The following EPHA3 variants were observed in gnomAD, a reference collection of about 807,000 sequenced individuals.
EPHA3 encodes the protein EPH receptor A3.
Under a neutral mutation model 107.1 loss-of-function variants are expected in EPHA3, and 42 were observed. The observed-to-expected ratio is 0.39, with a 90% confidence interval of 0.31 to 0.51. The LOEUF (loss-of-function observed/expected upper bound fraction) is 0.51. Among genes scored for constraint, EPHA3 ranks in the 20% least tolerant of loss-of-function variants. EPHA3 has a pLI of 0.78. For missense variants in EPHA3, 1,183 were observed against 1,211.2 expected, an observed-to-expected ratio of 0.98 and a Z score of 0.35; for synonymous variants, 461 against 424.8, an observed-to-expected ratio of 1.09 and a Z score of -1.05.
At chr3:89,434,332 C>T (rs1168220679) in intron 13 of EPHA3, among the ~76,000 whole-genome samples, 1 of 152,128 alleles carries the variant, frequency 6.6e-6, no homozygotes, top group African/African-American at 2.4e-5. Context: ...ACTCTCATGC[C>T]TCAGCCTCAC....
At chr3:89,403,535 G>A (rs1437131515) in intron 7 of EPHA3, among the ~76,000 whole-genome samples, 7 of 152,058 alleles carry the variant, frequency 4.6e-5, no homozygotes, top group Non-Finnish European at 1.0e-4. Context: ...AAAGCATGGA[G>A]TATAAAAGAG....
intron 2 of EPHA3, 40 bp from the exon 3 acceptor site, chr3:89,209,820 T>A (rs1259948603): frequency 2.6e-6 from 4 of 1,517,346 alleles, no homozygotes; most frequent in South Asian, 2.6e-5. Context: ...GTTATTATCA[T>A]TAATTCTGCC....
intron 5 of EPHA3, among the ~76,000 whole-genome samples, chr3:89,378,161 AGAT>A (rs1311387562): frequency 6.6e-6 from 1 of 152,136 alleles, no homozygotes; most frequent in Non-Finnish European, 1.5e-5. Context: ...TACCTAATAT[AGAT>A]GATGGGTTGA....
At chr3:89,357,106 C>CAAAAAAAAAAAAAAAAAAAAAAAAAA (rs56717904) in intron 5 of EPHA3, among the ~76,000 whole-genome samples, 1 of 15,978 alleles carries the variant, frequency 6.3e-5, no homozygotes, top group African/African-American at 2.1e-4. Context: ...GACCCTGTCT[C>CAAAAAAAAAAAAAAAAAAAAAAAAAA]AAAAAAAAAA....
intron 16 of EPHA3, 57 bp downstream of exon 16, chr3:89,472,676 T>C: frequency 6.8e-7 from 1 of 1,472,074 alleles, no homozygotes; most frequent in East Asian, 2.3e-5. Flanking sequence ...TTTCTTGGCT[T>C]GACATGAAAG....
At position 89,407,998 on chromosome 3, in the gene EPHA3, A is replaced by G. The variant is rs979934354; in HGVS notation, c.1698-69A>G. On this transcript the variant is annotated intron_variant, in intron 8 of 16. Coordinates refer to ENST00000336596, the MANE Select transcript of EPHA3 (RefSeq NM_005233.6). ...AATGTTTTATTTTTATGCTTTGCAC[A>G]TTCTGAGCATAGGTAACTATTTTAA... The G allele has an allele frequency of 4.9e-5, 69 of 1,410,548 alleles. No individual in the cohort carries two copies. In the Admixed American group the frequency reaches 7.7e-4, roughly 16 times the overall value. 87.4% of individuals were successfully genotyped at this position (1,410,548 alleles called of 1,614,324 possible).
At chr3:89,262,870 C>T (rs1296087543) in intron 3 of EPHA3, among the ~76,000 whole-genome samples, 1 of 150,712 alleles carries the variant, frequency 6.6e-6, no homozygotes, top group African/African-American at 2.4e-5. Flanking sequence ...CCCTTTTGGG[C>T]GCCTGCAGGA....
At chr3:89,427,731 A>G (rs1295120677) in intron 11 of EPHA3, among the ~76,000 whole-genome samples, 11 of 151,912 alleles carry the variant, frequency 7.2e-5, no homozygotes, top group Non-Finnish European at 1.6e-4. Context: ...TAAACCCACA[A>G]TGTTTTCTGG....
At chr3:89,395,684 C>T (rs1708834447) in intron 5 of EPHA3, among the ~76,000 whole-genome samples, 153 bp from the exon 6 acceptor site, 1 of 152,030 alleles carries the variant, frequency 6.6e-6, no homozygotes, top group Non-Finnish European at 1.5e-5. Context: ...TATTCAAGAG[C>T]CTTGGAAATG....
intron 3 of EPHA3, among the ~76,000 whole-genome samples, chr3:89,316,692 T>C (rs1343708052): frequency 6.6e-6 from 1 of 151,252 alleles, no homozygotes; most frequent in Non-Finnish European, 1.5e-5. Flanking sequence ...TGCTCTCTTA[T>C]GGAAAATGAA....
chr3:89,378,420 A>T (rs1360616917), intron 5 of EPHA3, among the ~76,000 whole-genome samples: 1 of 152,060 alleles, frequency 6.6e-6, no homozygotes, highest in Non-Finnish European at 1.5e-5. Flanking sequence ...AATGATGATA[A>T]ACTCATCATT....
chr3:89,239,152 T>A (rs1187821493), intron 3 of EPHA3, among the ~76,000 whole-genome samples: 4 of 152,194 alleles, frequency 2.6e-5, no homozygotes, highest in Non-Finnish European at 4.4e-5. Context: ...GCCCATATGA[T>A]CTATCTCTAA....
intron 5 of EPHA3, among the ~76,000 whole-genome samples, chr3:89,344,613 T>C (rs1351811498): frequency 6.6e-6 from 1 of 152,168 alleles, no homozygotes; most frequent in Non-Finnish European, 1.5e-5. Flanking sequence ...TGAAGGTTAA[T>C]GGACTGGTAG....
chr3:89,215,417 T>G (rs1215090780), intron 3 of EPHA3, among the ~76,000 whole-genome samples: 1 of 151,882 alleles, frequency 6.6e-6, no homozygotes, highest in Non-Finnish European at 1.5e-5. Context: ...TTTTTGAGTC[T>G]CTATAAAAAC....
At chr3:89,376,571 T>A (rs1708409276) in intron 5 of EPHA3, among the ~76,000 whole-genome samples, 1 of 152,012 alleles carries the variant, frequency 6.6e-6, no homozygotes, top group Non-Finnish European at 1.5e-5. Flanking sequence ...TATGTTTTAA[T>A]TTCATCAAAT....
chr3:89,163,430 C>G (rs1402409997), intron 2 of EPHA3, among the ~76,000 whole-genome samples: 2 of 150,770 alleles, frequency 1.3e-5, no homozygotes, highest in African/African-American at 4.9e-5. Flanking sequence ...CAGAACATCT[C>G]ATTTATGTTG....
At chr3:89,437,705 T>C (rs1284876067) in intron 13 of EPHA3, among the ~76,000 whole-genome samples, 4 of 152,206 alleles carry the variant, frequency 2.6e-5, no homozygotes, top group South Asian at 2.1e-4. Context: ...ATACATGGAA[T>C]CCAAAATTCC....
intron 2 of EPHA3, among the ~76,000 whole-genome samples, chr3:89,161,578 G>A (rs748470724): frequency 6.6e-6 from 1 of 151,830 alleles, no homozygotes; most frequent in African/African-American, 2.4e-5. Flanking sequence ...TATTTAATTA[G>A]TTTTTTTACT....
chr3:89,217,419 C>CAA (rs556114969), intron 3 of EPHA3, among the ~76,000 whole-genome samples: 91 of 150,752 alleles, frequency 6.0e-4, no homozygotes, highest in African/African-American at 2.2e-3. Flanking sequence ...AAAACAAAAA[C>CAA]AAAAAAAAAC....
Sources: allele counts gnomAD v4.1 joint callset (sites outside exome capture counted in the v4.1 genomes callset), GRCh38; gene constraint gnomAD v4.1.1; transcripts MANE v1.5; gene names NCBI Gene and HGNC (gene_info 2026-07-23, HGNC 2026-07-21).